The following PPP2R1B variants were observed in gnomAD, a reference collection of about 807,000 sequenced individuals.
PPP2R1B encodes serine/threonine-protein phosphatase 2A 65 kDa regulatory subunit A beta isoform.
Under a neutral mutation model 72.7 loss-of-function variants are expected in PPP2R1B, and 58 were observed. The observed-to-expected ratio is 0.80, with a 90% confidence interval of 0.65 to 0.99. The LOEUF (loss-of-function observed/expected upper bound fraction) is 0.99, where lower values mean the gene tolerates loss of function less well. PPP2R1B is among the 50% of genes least tolerant of loss of function. PPP2R1B has a pLI of 0.00. For missense variants in PPP2R1B, 695 were observed against 733.6 expected (o/e 0.95, Z 0.61); for synonymous variants, 256 against 264.6 (o/e 0.97, Z 0.32).
At chr11:111,725,283 A>C (rs2135984585), downstream of PPP2R1B, 1 of 152,786 alleles carries the variant, frequency 6.5e-6, no homozygotes. Context: ...CCATGTGGGA[A>C]TCAGCATTCT....
intron 1 of PPP2R1B, 181 bp downstream of exon 1, chr11:111,766,067 G>A: frequency 3.1e-6 from 2 of 635,382 alleles, no homozygotes; most frequent in East Asian, 5.6e-5. Context: ...AGAGGTACCC[G>A]GGAGGGTCGG....
the PPP2R1B span, among the ~76,000 whole-genome samples, chr11:111,713,356 C>T: frequency 1.2e-4 from 18 of 152,198 alleles, 1 homozygote; most frequent in African/African-American, 4.3e-4. Flanking sequence ...AAACACAGGT[C>T]TTGGAGCGTG....
chr11:111,724,119 T>C, downstream of PPP2R1B: 1 of 1,609,278 alleles, frequency 6.2e-7, no homozygotes, highest in East Asian at 2.2e-5. Flanking sequence ...GGGTATGTCC[T>C]GGTGAATTAG....
chr11:111,747,851 T>C lies in PPP2R1B; in HGVS notation c.1399+103A>G, dbSNP rs533485102. On this transcript the variant is annotated intron_variant, in intron 11 of 14. Coordinates refer to ENST00000527614, the MANE Select transcript of PPP2R1B (RefSeq NM_002716.5). Reference sequence around the variant, plus strand: ...TTAGAGCCTTTCTTCATTCCTACAATATTAAGGCAAAATATCTGGTCAGAC... The same window carrying C: ...TTAGAGCCTTTCTTCATTCCTACAACATTAAGGCAAAATATCTGGTCAGAC... 4.0e-4 allele frequency: 446 copies of C among 1,118,068 alleles called. 3 individuals are homozygous for C. The African/African-American group carries it at 6.4e-3, about 16-fold the overall frequency. 69.3% of individuals were successfully genotyped at this position (1,118,068 alleles called of 1,614,324 possible).
At chr11:111,727,053 G>A (rs975272701) in exon 16 of PPP2R1B, 1 of 1,613,702 alleles carries the variant, frequency 6.2e-7, no homozygotes, top group Non-Finnish European at 8.5e-7. Context: ...CTGATACACT[G>A]GTCCCTGTAA....
chr11:111,743,313 AAT>A (rs1944590164), intron 12 of PPP2R1B, 61 bp downstream of exon 12: 3 of 1,456,276 alleles, frequency 2.1e-6, no homozygotes, highest in East Asian at 4.5e-5. Context: ...ATAATTCAGA[AAT>A]AGTCATGAAT....
At position 111,764,853 on chromosome 11, in the gene PPP2R1B, T is replaced by C; in HGVS notation, c.258A>G (p.Gly86=). The part of the protein sequence containing the change: ...EVLLALAEQL[G]NFTGLVGGPD... ...GACCTCCCACTAGGCCAGTGAAATTTCCCAGCTGCTCAGCAAGAGCTAATA... is the reference window on the plus strand; with the variant it reads ...GACCTCCCACTAGGCCAGTGAAATTCCCCAGCTGCTCAGCAAGAGCTAATA... The change falls in exon 3 of 15, where the codon GGA becomes GGG. Residue 86 remains glycine (G), a synonymous_variant. Coordinates refer to ENST00000527614, the MANE Select transcript of PPP2R1B (RefSeq NM_002716.5). 6.2e-7 allele frequency: 1 copy of C among 1,614,082 alleles called. No homozygotes were observed. The highest frequency in any genetic ancestry group is 8.5e-7 in the Non-Finnish European group (1 of 1,180,008).
intron 3 of PPP2R1B, among the ~76,000 whole-genome samples, chr11:111,762,959 A>C (rs550976546): frequency 6.6e-6 from 1 of 152,360 alleles, no homozygotes; most frequent in South Asian, 2.1e-4. Context: ...AAGGCAGACA[A>C]GGTTCCTCAC....
chr11:111,689,573 T>G, the PPP2R1B span, among the ~76,000 whole-genome samples: 1 of 152,128 alleles, frequency 6.6e-6, no homozygotes, highest in Non-Finnish European at 1.5e-5. Context: ...CATGGTGGTG[T>G]TTTGTTCTAA....
chr11:111,721,072 T>C, the PPP2R1B span: 2 of 1,606,330 alleles, frequency 1.2e-6, no homozygotes, highest in East Asian at 2.2e-5. Flanking sequence ...GGTGGGTACC[T>C]TGGGCCCTTC....
chr11:111,707,604 T>G, the PPP2R1B span, among the ~76,000 whole-genome samples: 8 of 152,342 alleles, frequency 5.3e-5, no homozygotes, highest in African/African-American at 1.9e-4. Flanking sequence ...TCTCAGAGAT[T>G]TCACATTTTG....
At chr11:111,708,001 C>T in the PPP2R1B span, among the ~76,000 whole-genome samples, 1 of 152,220 alleles carries the variant, frequency 6.6e-6, no homozygotes, top group Non-Finnish European at 1.5e-5. Flanking sequence ...AGAGCACTGA[C>T]ATGCCAGGCA....
At chr11:111,722,735 A>C, downstream of PPP2R1B, 1 of 1,614,124 alleles carries the variant, frequency 6.2e-7, no homozygotes, top group South Asian at 1.1e-5. This position sits in a 1 kb window ranked among gnomAD's most constrained non-coding sequence, Gnocchi z 4.4. Context: ...CGGAGCCTTG[A>C]GCAGCAGCTG....
At chr11:111,694,103 T>C in the PPP2R1B span, among the ~76,000 whole-genome samples, 1 of 152,208 alleles carries the variant, frequency 6.6e-6, no homozygotes, top group Admixed American at 6.5e-5. Flanking sequence ...AATAAATTGT[T>C]AGATAAAGCT....
chr11:111,694,301 A>G, the PPP2R1B span, among the ~76,000 whole-genome samples: 2 of 152,178 alleles, frequency 1.3e-5, no homozygotes, highest in African/African-American at 4.8e-5. Flanking sequence ...AGTTTTTCAC[A>G]TATTCTCAAT....
rs782111432 is a variant in PPP2R1B at position 111,764,823 on chromosome 11, G to A, written c.288C>T (p.Asp96=). ...GNFTGLVGGP[D]FAHCLLPPLE... is the part of the protein sequence containing the mutation. ...TACTCACCAGCAGACAGTGGGCAAA[G>A]TCAGGACCTCCCACTAGGCCAGTGA... is the stretch of plus-strand genomic sequence containing the variant. The change falls in exon 3 of 15, where the codon GAC becomes GAT. Residue 96 remains aspartate, a synonymous_variant. Transcript: ENST00000527614. The A allele has an allele frequency of 1.2e-6, 2 of 1,613,968 alleles. No homozygotes were observed. The highest frequency in any genetic ancestry group is 1.7e-6 in the Non-Finnish European group (2 of 1,180,018).
the PPP2R1B span, among the ~76,000 whole-genome samples, chr11:111,707,954 G>C: frequency 6.6e-6 from 1 of 152,156 alleles, no homozygotes; most frequent in African/African-American, 2.4e-5. Flanking sequence ...CCAAGATACA[G>C]TTAGTTAACC....
At position 111,766,321 on chromosome 11, in the gene PPP2R1B, G is replaced by C; in HGVS notation, c.41C>G (p.Ala14Gly). ...ASELGTGPGA[A>G]GGDGDDSLYP... The stretch of plus-strand genomic sequence containing the variant: ...TAGCGAATCATCTCCATCTCCACCC[G>C]CTGCTCCTGGGCCGGTCCCGAGCTC... The change falls in exon 1 of 15, where the codon GCG becomes GGG. Residue 14 changes from alanine to glycine, a missense_variant. Transcript: ENST00000527614. 3 of 1,589,644 alleles carry C rather than the reference G, an allele frequency of 1.9e-6. No individual in the cohort carries two copies. The highest frequency in any genetic ancestry group is 2.6e-6 in the Non-Finnish European group (3 of 1,171,650).
At position 111,731,982 on chromosome 11, in the gene PPP2R1B, G is replaced by A. The variant is rs935662826; in HGVS notation, c.1912-4925C>T. 3.3e-5 allele frequency among the ~76,000 whole-genome samples: 5 copies of A among 152,246 alleles called. No individual in the cohort carries two copies. The East Asian group carries it at 5.8e-4, about 18-fold the overall frequency. ...CAGTGGCCAGCTAGGCCCCAACCCC[G>A]CACTCCCCAGGACACTCTTCAGTTC... On this transcript the variant is annotated intron_variant, in intron 15 of 15. Transcript: ENST00000311129.
Sources: allele counts gnomAD v4.1 joint callset (sites outside exome capture counted in the v4.1 genomes callset), GRCh38; gene constraint gnomAD v4.1.1; non-coding constraint Gnocchi (gnomAD v3.1); transcripts MANE v1.5; gene names NCBI Gene and HGNC (gene_info 2026-07-23, HGNC 2026-07-21).